CUL4B: variants seen among roughly 807,000 people sequenced by gnomAD.
CUL4B encodes cullin-4B.
CUL4B carries 1 observed loss-of-function variant against 69.2 expected under a neutral mutation model. That is an observed-to-expected ratio of 0.01 (90% CI 0.01 to 0.07). CUL4B has a LOEUF of 0.07. Ranked by LOEUF, CUL4B falls within the 10% of genes least tolerant of loss-of-function variation. CUL4B has a pLI of 1.00. For missense variants in CUL4B, 328 were observed against 638.8 expected, an observed-to-expected ratio of 0.51 and a Z score of 5.24; for synonymous variants, 237 against 223.2, an observed-to-expected ratio of 1.06 and a Z score of -0.55.
chrX:120,535,646 C>T (rs749500198), intron 16 of CUL4B, among the ~76,000 whole-genome samples, 184 bp downstream of exon 16: 10 of 85,026 alleles, frequency 1.2e-4, no homozygotes, highest in South Asian at 1.5e-3. Context: ...GCAGAGGTTG[C>T]GGTGAGCCAA....
chrX:120,526,248 T>A lies in CUL4B; in HGVS notation c.*513A>T, dbSNP rs1328689085. On this transcript the variant is annotated 3_prime_UTR_variant, in exon 20 of 20. Coordinates refer to ENST00000371322, the MANE Select transcript of CUL4B (RefSeq NM_001079872.2). ...TCACCTAGTAAAATATCAATAGCTA[T>A]GACAATTCATTTCTCTTTTCAAGGG... 1 of 113,474 alleles carries A rather than the reference T, an allele frequency of 8.8e-6. No individual in the cohort carries two copies. The highest frequency in any genetic ancestry group is 9.3e-5 in the Admixed American group (1 of 10,700). 9.4% of individuals were successfully genotyped at this position (113,474 alleles called of 1,213,427 possible).
At chrX:120,562,594 T>C (rs779095996), upstream of CUL4B, among the ~76,000 whole-genome samples, 1 of 111,472 alleles carries the variant, frequency 9.0e-6, no homozygotes, top group African/African-American at 3.3e-5. Context: ...AACAAGAAAT[T>C]TGGGAGAAAT....
At chrX:120,544,687 A>T in intron 5 of CUL4B, 44 bp from the exon 6 acceptor site, 1 of 1,089,731 alleles carries the variant, frequency 9.2e-7, no homozygotes, top group Non-Finnish European at 1.3e-6. Flanking sequence ...TGACAATACC[A>T]CTTCTGAAGA....
chrX:120,544,284 T>G (rs1924183216), intron 6 of CUL4B, 81 bp from the exon 7 acceptor site: 3 of 849,800 alleles, frequency 3.5e-6, no homozygotes, highest in Admixed American at 2.4e-5. Context: ...TAAACAGCAT[T>G]ATGAATTTGG....
upstream of CUL4B, among the ~76,000 whole-genome samples, chrX:120,563,802 A>T (rs996514178): frequency 4.4e-5 from 5 of 112,386 alleles, no homozygotes; most frequent in African/African-American, 1.3e-4. Context: ...TAGCCATTTT[A>T]AAAAATTACA....
chrX:120,554,710 C>T (rs185121104), intron 2 of CUL4B, among the ~76,000 whole-genome samples: 1 of 112,067 alleles, frequency 8.9e-6, no homozygotes, highest in East Asian at 2.8e-4. Flanking sequence ...GTGTTTACCT[C>T]AGAGAAAGAG....
rs191245076 is a variant in CUL4B at position 120,574,027 on chromosome X, A to G, written c.67+524T>C. Among the ~76,000 whole-genome samples, 16 of 107,867 alleles carry G rather than the reference A, an allele frequency of 1.5e-4. No homozygotes were observed. The East Asian group carries it at 4.5e-3, about 30-fold the overall frequency. 93.7% of individuals were successfully genotyped at this position (107,867 alleles called of 115,157 possible). A position where few individuals can be genotyped will look rare whatever the true frequency, so the allele number is the denominator to read the frequency against. On this transcript the variant is annotated intron_variant, in intron 2 of 2. Transcript: ENST00000486604. ...TTTTTAGTAGAGACGGGGTTTCACA[A>G]TGTTGGCCAGGCTGCTCTCGAATTC...
At chrX:120,541,867 A>G (rs930827164) in intron 9 of CUL4B, 147 bp from the exon 10 acceptor site, 12 of 465,014 alleles carry the variant, frequency 2.6e-5, no homozygotes, top group Non-Finnish European at 4.2e-5. Flanking sequence ...GTAATGTAAG[A>G]TTTCCTTTGA....
intron 18 of CUL4B, among the ~76,000 whole-genome samples, chrX:120,531,011 A>C (rs1311023457): frequency 9.0e-6 from 1 of 111,517 alleles, no homozygotes; most frequent in Non-Finnish European, 1.9e-5. Flanking sequence ...GTTTGGAGAT[A>C]CTGGTCGCTG....
intron 1 of CUL4B, 91 bp downstream of exon 1, chrX:120,559,992 C>T: frequency 8.3e-7 from 1 of 1,202,245 alleles, no homozygotes; most frequent in Non-Finnish European, 1.1e-6. Context: ...AGGCCACCTC[C>T]AAACTGTTTA....
chrX:120,538,893 AGTTT>A, intron 12 of CUL4B, 123 bp from the exon 13 acceptor site: 3 of 483,094 alleles, frequency 6.2e-6, no homozygotes, highest in Non-Finnish European at 1.1e-5. Context: ...ATTTTATTTA[AGTTT>A]GTTAAATGCA....
intron 2 of CUL4B, among the ~76,000 whole-genome samples, chrX:120,572,659 A>G (rs892539288): frequency 9.0e-6 from 1 of 110,573 alleles, no homozygotes; most frequent in Admixed American, 9.7e-5. Flanking sequence ...TGCTTTTTTT[A>G]AAAAAAGGAT....
intron 2 of CUL4B, among the ~76,000 whole-genome samples, chrX:120,551,202 ACTTTT>A (rs919190819): frequency 9.0e-6 from 1 of 110,686 alleles, no homozygotes; most frequent in African/African-American, 3.3e-5. Flanking sequence ...TCTGATTATA[ACTTTT>A]CTTTTTTCTT....
chrX:120,538,804 C>G (rs1173684660), intron 12 of CUL4B, 34 bp from the exon 13 acceptor site: 2 of 978,314 alleles, frequency 2.0e-6, no homozygotes, highest in South Asian at 2.0e-5. Flanking sequence ...TTATAATATT[C>G]CAATAAAAAG....
intron 12 of CUL4B, 144 bp from the exon 13 acceptor site, chrX:120,538,914 A>G: frequency 8.9e-6 from 4 of 450,928 alleles, no homozygotes; most frequent in Non-Finnish European, 1.5e-5. Flanking sequence ...TGCAAGAAAC[A>G]GTAGAGATCC....
chrX:120,558,159 C>A (rs1432829908), intron 1 of CUL4B, 120 bp from the exon 2 acceptor site: 17 of 472,921 alleles, frequency 3.6e-5, no homozygotes, highest in Non-Finnish European at 5.9e-5. Context: ...AACTATTACA[C>A]CTAATCATTA....
At position 120,560,559 on chromosome X, in the gene CUL4B, T is replaced by C. The variant is rs1699122271; in HGVS notation, c.80A>G (p.Asn27Ser). 2.5e-6 allele frequency: 3 copies of C among 1,208,609 alleles called. No homozygotes were observed. Among genetic ancestry groups the C allele is most frequent in the Non-Finnish European group, 2.2e-6 (2 of 894,217 alleles). The change falls in exon 1 of 20, where the codon AAT becomes AGT. Residue 27 changes from asparagine to serine, a missense_variant. By Grantham distance (46) the Asn-to-Ser change is conservative (BLOSUM62 1). Around this residue, in one of 4 missense-constraint regions of CUL4B, gnomAD observed 102 missense variants for 122.1 expected, o/e 0.84. Transcript: ENST00000371322. The part of the protein sequence containing the change: ...AQEVRSATDG[N>S]TSTTPPTSAK... ...AGAGGTGGGCGGAGTGGTGCTGGTATTACCATCAGTGGCAGATCTGACCTC... is the reference window on the plus strand; with the variant it reads ...AGAGGTGGGCGGAGTGGTGCTGGTACTACCATCAGTGGCAGATCTGACCTC...
chrX:120,559,064 A>G (rs928612271), intron 1 of CUL4B, among the ~76,000 whole-genome samples: 5 of 110,948 alleles, frequency 4.5e-5, no homozygotes, highest in Non-Finnish European at 9.4e-5. Context: ...GCTTGAGACA[A>G]AATAGAGCAT....
chrX:120,547,798 T>C (rs1283103184), intron 2 of CUL4B, among the ~76,000 whole-genome samples: 1 of 111,235 alleles, frequency 9.0e-6, no homozygotes, highest in Non-Finnish European at 1.9e-5. Context: ...CACAATCTAA[T>C]CAGCTTCCAG....
Sources: gnomAD v4.1 joint callset for allele counts (sites outside exome capture counted in the v4.1 genomes callset) on GRCh38, gnomAD v4.1.1 for gene constraint, gnomAD v4.1.1 regional missense constraint, MANE v1.5 for transcripts, NCBI Gene and HGNC (gene_info 2026-07-23, HGNC 2026-07-21) for gene names.